Variants in ST3GAL1 observed in about 807,000 individuals in gnomAD.
The protein encoded by ST3GAL1 is ST3 beta-galactoside alpha-2,3-sialyltransferase 1, also known as CMP-N-acetylneuraminate-beta-galactosamide-alpha-2,3-sialyltransferase 1.
In ST3GAL1, 16 loss-of-function variants were observed where a neutral mutation model predicts 34.1. The observed-to-expected ratio is 0.47, with a 90% confidence interval of 0.32 to 0.71. ST3GAL1 has a LOEUF of 0.71. ST3GAL1 is among the 30% of genes least tolerant of loss of function. The pLI, the probability that ST3GAL1 is intolerant of heterozygous loss-of-function variation, is 0.04. For synonymous variants in ST3GAL1, 191 were observed against 184.7 expected (o/e 1.03, Z -0.28); for missense variants, 353 against 447.4 (o/e 0.79, Z 1.90).
chr8:133,457,760 G>C lies in ST3GAL1; in HGVS notation c.*2004C>G, dbSNP rs1009444853. 1.3e-5 allele frequency: 2 copies of C among 152,170 alleles called. No homozygotes were observed. The highest frequency in any genetic ancestry group is 3.9e-4 in the East Asian group (2 of 5,188). The allele number at this position is 152,170 out of a possible 1,614,324, so 9.4% of individuals were successfully genotyped here. A position where few individuals can be genotyped will look rare whatever the true frequency, so the allele number is the denominator to read the frequency against. ...TGGCACGCAACTTCCGGGGACTCTTGTGAATGGCCTGAAGCCACCTGTGAC... is the reference window on the plus strand; with the variant it reads ...TGGCACGCAACTTCCGGGGACTCTTCTGAATGGCCTGAAGCCACCTGTGAC... On this transcript the variant is annotated 3_prime_UTR_variant, in exon 10 of 10. Transcript: ENST00000522652.
intron 2 of ST3GAL1, among the ~76,000 whole-genome samples, chr8:133,525,412 C>T (rs1003326182): frequency 6.6e-6 from 1 of 152,148 alleles, no homozygotes; most frequent in African/African-American, 2.4e-5. Flanking sequence ...CATGGATGGC[C>T]ATGGATGGGC....
intron 1 of ST3GAL1, among the ~76,000 whole-genome samples, chr8:133,554,803 T>C (rs943235176): frequency 4.5e-4 from 68 of 150,546 alleles, no homozygotes; most frequent in African/African-American, 1.4e-3. Flanking sequence ...CTCGGCTCAC[T>C]GCAACCTCCG....
At chr8:133,486,416 T>C (rs1816597784) in intron 3 of ST3GAL1, among the ~76,000 whole-genome samples, 1 of 152,234 alleles carries the variant, frequency 6.6e-6, no homozygotes, top group Non-Finnish European at 1.5e-5. Flanking sequence ...CCACCCGCTC[T>C]GAGTCACCCC....
Position 133,475,763 on chromosome 8 carries a change from C to T in ST3GAL1, c.262G>A (p.Ala88Thr), listed in dbSNP as rs200639488. Residue 88 changes from alanine (A) to threonine (T), a missense_variant, in exon 5 of 10, where the codon GCC becomes ACC. Transcript: ENST00000522652. ...TCGTCCTCCAAGAGCGCGTTCTGGG[C>T]GGTCAGCAGCGGCTGCATGGTCTGG... ...FNQTMQPLLT[A>T]QNALLEDDTY... is the part of the protein sequence containing the mutation. The T allele has an allele frequency of 8.0e-5, 129 of 1,612,260 alleles. No individual in the cohort carries two copies. The East Asian group carries it at 1.1e-3, about 14-fold the overall frequency.
At chr8:133,512,327 G>A (rs1817520264) in intron 2 of ST3GAL1, among the ~76,000 whole-genome samples, 1 of 152,194 alleles carries the variant, frequency 6.6e-6, no homozygotes, top group African/African-American at 2.4e-5. Flanking sequence ...CAGCACAGGA[G>A]AAAGATGGAG....
At chr8:133,514,234 T>C (rs922328457) in intron 2 of ST3GAL1, among the ~76,000 whole-genome samples, 1 of 152,182 alleles carries the variant, frequency 6.6e-6, no homozygotes, top group Non-Finnish European at 1.5e-5. Context: ...GATCTAAGAT[T>C]AACACCAATG....
chr8:133,565,468 ACTT>A (rs1819366541), intron 1 of ST3GAL1, among the ~76,000 whole-genome samples: 1 of 151,884 alleles, frequency 6.6e-6, no homozygotes, highest in South Asian at 2.1e-4. Context: ...CTACCGTGCC[ACTT>A]CTTCTGGGGG....
At chr8:133,552,179 G>A (rs1404713486) in intron 1 of ST3GAL1, among the ~76,000 whole-genome samples, 1 of 152,184 alleles carries the variant, frequency 6.6e-6, no homozygotes, top group African/African-American at 2.4e-5. Context: ...CATCAGCAAG[G>A]AACCACACCA....
chr8:133,542,517 G>A (rs762572325), intron 2 of ST3GAL1, among the ~76,000 whole-genome samples: 4 of 152,200 alleles, frequency 2.6e-5, no homozygotes, highest in Non-Finnish European at 5.9e-5. Flanking sequence ...GCTTACGCCT[G>A]TATTCCCAGA....
chr8:133,521,583 C>G (rs1161892821), intron 2 of ST3GAL1, among the ~76,000 whole-genome samples: 1 of 152,206 alleles, frequency 6.6e-6, no homozygotes, highest in South Asian at 2.1e-4. Flanking sequence ...AGGCGTGAAA[C>G]ACCGCCCCCA....
At chr8:133,568,471 T>C (rs1819472277) in intron 1 of ST3GAL1, among the ~76,000 whole-genome samples, 1 of 152,228 alleles carries the variant, frequency 6.6e-6, no homozygotes. Context: ...TCTAGAATTC[T>C]TTGTGACCGG....
chr8:133,540,922 T>TATATATAGAGACATATATAGAC (rs1563734216), intron 2 of ST3GAL1, among the ~76,000 whole-genome samples: 1 of 37,740 alleles, frequency 2.6e-5, no homozygotes, highest in African/African-American at 1.4e-4. Flanking sequence ...TATATAGACA[T>TATATATAGAGACATATATAGAC]ATATATATAG....
At chr8:133,515,030 C>T (rs960543444) in intron 2 of ST3GAL1, among the ~76,000 whole-genome samples, 1 of 152,196 alleles carries the variant, frequency 6.6e-6, no homozygotes, top group Non-Finnish European at 1.5e-5. Flanking sequence ...ATGACCTGCC[C>T]CTCCCTTCCT....
chr8:133,568,504 G>A (rs1819472923), intron 1 of ST3GAL1, among the ~76,000 whole-genome samples: 1 of 152,196 alleles, frequency 6.6e-6, no homozygotes, highest in Admixed American at 6.5e-5. Context: ...ATCAGCCTGT[G>A]GAGTGTATGC....
chr8:133,486,109 C>T (rs1455957676), intron 3 of ST3GAL1, among the ~76,000 whole-genome samples: 2 of 152,200 alleles, frequency 1.3e-5, no homozygotes, highest in Admixed American at 6.5e-5. Flanking sequence ...CAGAGGCCCA[C>T]AGTGGTCAAG....
chr8:133,511,967 C>T (rs564440140), intron 2 of ST3GAL1, among the ~76,000 whole-genome samples: 6 of 152,222 alleles, frequency 3.9e-5, no homozygotes, highest in South Asian at 2.1e-4. Flanking sequence ...GCAGGAGGAT[C>T]GCTTGAACCC....
chr8:133,464,263 C>T (rs750470922), intron 7 of ST3GAL1, among the ~76,000 whole-genome samples: 10 of 152,112 alleles, frequency 6.6e-5, no homozygotes, highest in Non-Finnish European at 1.5e-4. Context: ...CCGAGTGCCA[C>T]GTGCGGTGTC....
intron 2 of ST3GAL1, among the ~76,000 whole-genome samples, chr8:133,540,892 T>G (rs868362319): frequency 6.7e-4 from 43 of 64,146 alleles, no homozygotes; most frequent in Non-Finnish European, 9.6e-4. Flanking sequence ...GACATATATA[T>G]AGACATATAT....
chr8:133,541,104 T>G (rs866620254), intron 2 of ST3GAL1, among the ~76,000 whole-genome samples: 3 of 50,436 alleles, frequency 5.9e-5, no homozygotes, highest in African/African-American at 2.4e-4. Context: ...AACATATATA[T>G]ATATATATAT....
Sources: allele counts gnomAD v4.1 joint callset (sites outside exome capture counted in the v4.1 genomes callset), GRCh38; gene constraint gnomAD v4.1.1; transcripts MANE v1.5; gene names NCBI Gene and HGNC (gene_info 2026-07-23, HGNC 2026-07-21).